The following NXF1 variants were observed in gnomAD, a reference collection of about 807,000 sequenced individuals.
The protein encoded by NXF1 is mRNA export factor TAP.
A neutral mutation model predicts 92.4 loss-of-function variants in NXF1; 43 were observed. That is an observed-to-expected ratio of 0.47 (90% CI 0.36 to 0.60). NXF1 has a LOEUF of 0.60. Ranked by LOEUF, NXF1 falls within the 20% of genes least tolerant of loss-of-function variation. The pLI, the probability that NXF1 is intolerant of heterozygous loss-of-function variation, is 0.00. For synonymous variants in NXF1, 288 were observed against 292.2 expected (o/e 0.99, Z 0.15); for missense variants, 576 against 793.0 (o/e 0.73, Z 3.29).
At chr11:62,804,546 A>C (rs1302403100) in intron 1 of NXF1, among the ~76,000 whole-genome samples, 1 of 152,190 alleles carries the variant, frequency 6.6e-6, no homozygotes, top group African/African-American at 2.4e-5. Context: ...TGACCTTCTG[A>C]TTCATGCTGT....
intron 18 of NXF1, 36 bp from the exon 19 acceptor site, chr11:62,794,476 G>A (rs780633627): frequency 6.4e-7 from 1 of 1,558,772 alleles, no homozygotes; most frequent in South Asian, 1.1e-5. Flanking sequence ...GCTAGACAGA[G>A]ATAACATCAT....
At chr11:62,803,388 A>C (rs1447314784) in intron 3 of NXF1, 31 bp downstream of exon 3, 1 of 1,602,010 alleles carries the variant, frequency 6.2e-7, no homozygotes, top group Non-Finnish European at 8.5e-7. Flanking sequence ...TCCTATCTCT[A>C]CTGTACCATC....
chr11:62,798,485 T>A, intron 11 of NXF1, 54 bp downstream of exon 11: 1 of 1,587,480 alleles, frequency 6.3e-7, no homozygotes, highest in East Asian at 2.2e-5. Flanking sequence ...TATCCAGGAA[T>A]CCTTGTGAGT....
chr11:62,798,746 C>CG (rs1293805522), intron 10 of NXF1, 171 bp from the exon 11 acceptor site: 1 of 1,421,174 alleles, frequency 7.0e-7, no homozygotes, highest in African/African-American at 1.4e-5. Context: ...CCACCTGACC[C>CG]GGGGCACCCA....
At chr11:62,802,109 TG>T in intron 4 of NXF1, 63 bp from the exon 5 acceptor site, 1 of 1,605,630 alleles carries the variant, frequency 6.2e-7, no homozygotes. Flanking sequence ...GGCATTACGC[TG>T]GGAGTCCAGC....
chr11:62,805,399 C>G lies in NXF1; in HGVS notation c.-43G>C, dbSNP rs769225510. 1.9e-6 allele frequency: 3 copies of G among 1,609,146 alleles called. No homozygotes were observed. The highest frequency in any genetic ancestry group is 2.2e-5 in the East Asian group (1 of 44,606). On this transcript the variant is annotated 5_prime_UTR_variant, in exon 1 of 21. Coordinates refer to ENST00000294172, the MANE Select transcript of NXF1 (RefSeq NM_006362.5). ...GGGCGGGCTCAGGCGCTGGCCGCTA[C>G]GCCGGCAAACAACCTAACTCCCAAG...
chr11:62,792,216 A>G lies in NXF1; in HGVS notation c.*260T>C. On this transcript the variant is annotated 3_prime_UTR_variant, in exon 21 of 21. Transcript: ENST00000294172. ...TAAAAAGTAAGGAGGTCCTGGGGTT[A>G]AGTACACAAAGCACCTAAGTCCTTC... 1.5e-6 allele frequency: 1 copy of G among 651,800 alleles called. No homozygotes were observed. Among genetic ancestry groups the G allele is most frequent in the South Asian group, 1.9e-5 (1 of 53,696 alleles). The allele number at this position is 651,800 out of a possible 1,614,324, so 40.4% of individuals were successfully genotyped here.
intron 13 of NXF1, 83 bp from the exon 14 acceptor site, chr11:62,796,650 G>A (rs2084423307): frequency 1.0e-5 from 9 of 895,790 alleles, no homozygotes; most frequent in African/African-American, 1.7e-5. Flanking sequence ...AGTGAGTTGT[G>A]GCCGGGCATG....
Position 62,796,342 on chromosome 11 carries a change from G to C in NXF1, c.1290C>G (p.Ser430Arg). Residue 430 changes from serine (S) to arginine (R), a missense_variant, in exon 15 of 21, where the codon AGC becomes AGG. Transcript: ENST00000294172. ...IPFIPQNPAR[S>R]SLAEYFKDSR... ...TATCCTTGAAATACTCGGCTAAGCT[G>C]CTTCTGGGGGAATAAAAGGAATGGA... The C allele has an allele frequency of 6.2e-7, 1 of 1,614,126 alleles. No homozygotes were observed. The highest frequency in any genetic ancestry group is 1.1e-5 in the South Asian group (1 of 91,078).
intron 4 of NXF1, 30 bp from the exon 5 acceptor site, chr11:62,802,076 G>A: frequency 2.5e-6 from 4 of 1,610,362 alleles, no homozygotes; most frequent in Non-Finnish European, 3.4e-6. Context: ...CATTACACTG[G>A]GAGTCCAGAG....
At chr11:62,799,770 TTTC>T in intron 10 of NXF1, 1 of 985,760 alleles carries the variant, frequency 1.0e-6, no homozygotes, top group Non-Finnish European at 1.2e-6. Context: ...GGAACCCAGG[TTTC>T]TTCTTCAGGG....
chr11:62,799,011 C>A, intron 10 of NXF1: 1 of 1,004,228 alleles, frequency 1.0e-6, no homozygotes, highest in Non-Finnish European at 1.2e-6. Context: ...ACAGGGATGG[C>A]ACAGGATGTT....
chr11:62,803,305 G>T, intron 3 of NXF1, 114 bp downstream of exon 3: 1 of 880,654 alleles, frequency 1.1e-6, no homozygotes, highest in Non-Finnish European at 1.7e-6. Context: ...GACAGAGCAA[G>T]ACTCCATTTA....
chr11:62,801,019 C>A, intron 9 of NXF1, 75 bp downstream of exon 9: 1 of 1,107,014 alleles, frequency 9.0e-7, no homozygotes, highest in Non-Finnish European at 1.4e-6. Context: ...TCTCTTGCCT[C>A]TTGCCATCAC....
In NXF1 at chr11:62,804,086, G is replaced by A. The variant is rs755639372; in HGVS notation, c.29-108C>T. ...ACTATTGGAAGAGATACATACTAAC[G>A]ACAGAGGCCATCTCCATGCAAACTC... On this transcript the variant is annotated intron_variant, in intron 1 of 20. Transcript: ENST00000294172. The A allele has an allele frequency of 6.3e-6, 10 of 1,591,874 alleles. No individual in the cohort carries two copies. In the African/African-American group the frequency reaches 1.2e-4, roughly 19 times the overall value.
chr11:62,801,498 T>A, intron 7 of NXF1, 64 bp downstream of exon 7: 1 of 1,608,038 alleles, frequency 6.2e-7, no homozygotes, highest in Non-Finnish European at 8.5e-7. Context: ...ATCCTCAAAC[T>A]TTCCCTCCCT....
In NXF1 at chr11:62,792,351, C is replaced by G; in HGVS notation, c.*125G>C. On this transcript the variant is annotated 3_prime_UTR_variant, in exon 21 of 21. Coordinates refer to ENST00000294172, the MANE Select transcript of NXF1 (RefSeq NM_006362.5). The stretch of plus-strand genomic sequence containing the variant: ...AGGCGAGGAGAGGGATCAGGCAGCC[C>G]TCCCTCCCTCGGTCACAGTCACGGG... 2.5e-6 allele frequency: 3 copies of G among 1,177,182 alleles called. No homozygotes were observed. The highest frequency in any genetic ancestry group is 3.8e-6 in the Non-Finnish European group (3 of 789,448). The allele number at this position is 1,177,182 out of a possible 1,614,324, so 72.9% of individuals were successfully genotyped here. A position where few individuals can be genotyped will look rare whatever the true frequency, so the allele number is the denominator to read the frequency against.
At chr11:62,798,681 G>GCT in intron 10 of NXF1, 106 bp from the exon 11 acceptor site, 1 of 1,565,828 alleles carries the variant, frequency 6.4e-7, no homozygotes. Context: ...ATCCCATCCT[G>GCT]CTCATCCCTC....
chr11:62,793,058 A>G (rs938522399), intron 19 of NXF1, among the ~76,000 whole-genome samples: 42 of 150,984 alleles, frequency 2.8e-4, no homozygotes, highest in African/African-American at 1.0e-3. Flanking sequence ...TTTATAGACT[A>G]TCAGGTTTGT....
Sources: gnomAD v4.1 joint callset for allele counts (sites outside exome capture counted in the v4.1 genomes callset) on GRCh38, gnomAD v4.1.1 for gene constraint, MANE v1.5 for transcripts, NCBI Gene and HGNC (gene_info 2026-07-23, HGNC 2026-07-21) for gene names.